CLEC4D: variants seen among roughly 807,000 people sequenced by gnomAD.
The protein encoded by CLEC4D is C-type (calcium dependent, carbohydrate-recognition domain) lectin, superfamily member 8.
In CLEC4D, 21 loss-of-function variants were observed where a neutral mutation model predicts 21.1. The observed-to-expected ratio is 1.00, with a 90% CI of 0.71 to 1.43. CLEC4D has a LOEUF of 1.43. Among genes scored for constraint, CLEC4D ranks in the 40% most tolerant of loss-of-function variants. The pLI, the probability that CLEC4D is intolerant of heterozygous loss-of-function variation, is 0.00. For synonymous variants in CLEC4D, 85 were observed against 83.1 expected (o/e 1.02, Z -0.12); for missense variants, 289 against 260.7 (o/e 1.11, Z -0.75).
Position 8,521,878 on chromosome 12 carries a change from T to G in CLEC4D, c.*607T>G, listed in dbSNP as rs773789454. 3 of 152,320 alleles carry G rather than the reference T, an allele frequency of 2.0e-5. No individual in the cohort carries two copies. The East Asian group carries it at 5.8e-4, about 29-fold the overall frequency. 9.4% of individuals were successfully genotyped at this position (152,320 alleles called of 1,614,324 possible). On this transcript the variant is annotated 3_prime_UTR_variant, in exon 6 of 6. Transcript: ENST00000299665. ...AGTCCAAATGCCTTTAAAAATTTACTTCTTACTCCACCCAACACGTTTTTG... is the reference window on the plus strand; with the variant it reads ...AGTCCAAATGCCTTTAAAAATTTACGTCTTACTCCACCCAACACGTTTTTG...
At chr12:8,517,085 G>A (rs1395619321) in intron 2 of CLEC4D, among the ~76,000 whole-genome samples, 2 of 152,094 alleles carry the variant, frequency 1.3e-5, no homozygotes, top group African/African-American at 4.8e-5. Context: ...AAAGCACAGC[G>A]GTTACTTTAA....
rs1010598598 is a variant in CLEC4D at position 8,521,467 on chromosome 12, G to A, written c.*196G>A. ...GTGTGTGTGTGTGTGTGTAGATAATGTGGTTTTTGTATGGTGTTTGATGGA... is the reference window on the plus strand; with the variant it reads ...GTGTGTGTGTGTGTGTGTAGATAATATGGTTTTTGTATGGTGTTTGATGGA... On this transcript the variant is annotated 3_prime_UTR_variant, in exon 6 of 6. Coordinates refer to ENST00000299665, the MANE Select transcript of CLEC4D (RefSeq NM_080387.5). 5.6e-5 allele frequency: 66 copies of A among 1,186,602 alleles called. No homozygotes were observed. In the East Asian group the frequency reaches 1.5e-3, roughly 27 times the overall value. 73.5% of individuals were successfully genotyped at this position (1,186,602 alleles called of 1,614,324 possible).
At chr12:8,519,394 C>G (rs1345245801) in intron 4 of CLEC4D, among the ~76,000 whole-genome samples, 1 of 152,026 alleles carries the variant, frequency 6.6e-6, no homozygotes, top group Non-Finnish European at 1.5e-5. Flanking sequence ...CTCATTCTAC[C>G]CCTCCCTGTT....
rs780954649 is a variant in CLEC4D, at chr12:8,519,017, TG to T, written c.243del (p.Trp81Ter). On this transcript the variant is annotated frameshift_variant, in exon 4 of 6. Coordinates refer to ENST00000299665, the MANE Select transcript of CLEC4D (RefSeq NM_080387.5). LOFTEE classifies it high-confidence loss of function. ...SELKSAEGST[W>X]NCCPIDWRAF... ...TTTAATTTTCACTTGAGGGAGCACC[TG>T]GAACTGTTGTCCTATTGACTGGAGA... The T allele has an allele frequency of 7.4e-6, 12 of 1,613,358 alleles. No homozygotes were observed. The East Asian group carries it at 2.7e-4, about 36-fold the overall frequency.
At position 8,513,536 on chromosome 12, in the gene CLEC4D, C is replaced by T. The variant is rs1356029750; in HGVS notation, c.-197C>T. ...TCCCGGAATGTATCAAAGGAAACCC[C>T]TGTCTTTGAAAAAGACTTCTTTTGA... On this transcript the variant is annotated 5_prime_UTR_variant, in exon 1 of 6. Coordinates refer to ENST00000299665, the MANE Select transcript of CLEC4D (RefSeq NM_080387.5). 2 of 393,614 alleles carry T rather than the reference C, an allele frequency of 5.1e-6. No homozygotes were observed. The highest frequency in any genetic ancestry group is 1.8e-4 in the South Asian group (2 of 11,062). The allele number at this position is 393,614 out of a possible 1,614,324, so 24.4% of individuals were successfully genotyped here.
chr12:8,530,185 C>T, the CLEC4D span, among the ~76,000 whole-genome samples: 1 of 152,134 alleles, frequency 6.6e-6, no homozygotes, highest in East Asian at 1.9e-4. Flanking sequence ...GAATTTTCTG[C>T]AGGATGTCTA....
chr12:8,525,016 A>G (rs765569602), downstream of CLEC4D, among the ~76,000 whole-genome samples: 100 of 152,252 alleles, frequency 6.6e-4, 3 homozygotes, highest in South Asian at 0.02. Context: ...TTTTTGAGTG[A>G]TTTTCTTAAT....
chr12:8,525,668 G>T (rs991230824), downstream of CLEC4D, among the ~76,000 whole-genome samples: 4 of 152,046 alleles, frequency 2.6e-5, no homozygotes, highest in Admixed American at 2.6e-4. Flanking sequence ...CTTTTAATTG[G>T]GGTATTTGCC....
In CLEC4D at chr12:8,513,644, T is replaced by C. The variant is rs1276831182; in HGVS notation, c.-89T>C. 2.7e-6 allele frequency: 2 copies of C among 728,612 alleles called. No individual in the cohort carries two copies. Among genetic ancestry groups the C allele is most frequent in the Admixed American group, 3.9e-5 (2 of 51,610 alleles). 45.1% of individuals were successfully genotyped at this position (728,612 alleles called of 1,614,324 possible). A position where few individuals can be genotyped will look rare whatever the true frequency, so the allele number is the denominator to read the frequency against. The stretch of plus-strand genomic sequence containing the variant: ...TCGATCTCAAGTATTTCTGAATATA[T>C]TCCCCTATCCACAGAAATATACTCT... On this transcript the variant is annotated 5_prime_UTR_variant, in exon 1 of 6. Coordinates refer to ENST00000299665, the MANE Select transcript of CLEC4D (RefSeq NM_080387.5).
intron 1 of CLEC4D, 47 bp from the exon 2 acceptor site, chr12:8,515,189 G>A (rs375556850): frequency 1.8e-5 from 16 of 911,538 alleles, no homozygotes; most frequent in Non-Finnish European, 9.2e-6. Flanking sequence ...AGCTTTCCTA[G>A]CTTGTAGCTG....
At chr12:8,513,872 G>A in intron 1 of CLEC4D, 112 bp downstream of exon 1, 4 of 660,958 alleles carry the variant, frequency 6.1e-6, no homozygotes, top group Non-Finnish European at 8.1e-6. Context: ...GGGAGAAGGA[G>A]GTGGAAGGAA....
intron 4 of CLEC4D, among the ~76,000 whole-genome samples, chr12:8,519,596 G>C (rs114435711): frequency 6.6e-6 from 1 of 152,306 alleles, no homozygotes; most frequent in Non-Finnish European, 1.5e-5. Context: ...GATAGGTCTT[G>C]ATAAATGTTT....
intron 5 of CLEC4D, among the ~76,000 whole-genome samples, chr12:8,520,698 T>C (rs1413956275): frequency 6.6e-6 from 1 of 152,182 alleles, no homozygotes; most frequent in Non-Finnish European, 1.5e-5. Flanking sequence ...TTAGTAAAAA[T>C]ATAATGCAAA....
downstream of CLEC4D, among the ~76,000 whole-genome samples, chr12:8,525,153 C>T (rs768792212): frequency 2.0e-5 from 3 of 152,200 alleles, no homozygotes; most frequent in Admixed American, 2.0e-4. Context: ...TGCCATGTGA[C>T]ACTGAGAAGA....
chr12:8,520,283 G>A lies in CLEC4D; in HGVS notation c.442G>A (p.Glu148Lys). Residue 148 changes from glutamate (E) to lysine (K), a missense_variant, in exon 5 of 6, where the codon GAG (glutamate) becomes AAG (lysine). By Grantham distance (56) the Glu-to-Lys change is moderately conservative. Coordinates refer to ENST00000299665, the MANE Select transcript of CLEC4D (RefSeq NM_080387.5). ...TTCCTATTTCCTTGGACTTAGAGAT[G>A]AGAATGCCAAAGGTCAGTGGCGTTG... ...RLSYFLGLRD[E>K]NAKGQWRWVD... The A allele has an allele frequency of 6.2e-7, 1 of 1,614,000 alleles. No homozygotes were observed. Among genetic ancestry groups the A allele is most frequent in the South Asian group, 1.1e-5 (1 of 91,054 alleles).
chr12:8,530,980 T>C, the CLEC4D span, among the ~76,000 whole-genome samples: 2 of 152,236 alleles, frequency 1.3e-5, no homozygotes, highest in Non-Finnish European at 2.9e-5. Context: ...CTGTGCTGAA[T>C]GACCTGTGTG....
chr12:8,531,429 G>C, the CLEC4D span, among the ~76,000 whole-genome samples: 1 of 152,090 alleles, frequency 6.6e-6, no homozygotes, highest in East Asian at 1.9e-4. Context: ...ATAATTTTTT[G>C]TTTGTTTTGT....
chr12:8,513,924 T>A (rs899351302), intron 1 of CLEC4D, among the ~76,000 whole-genome samples, 164 bp downstream of exon 1: 1 of 152,048 alleles, frequency 6.6e-6, no homozygotes, highest in Non-Finnish European at 1.5e-5. Context: ...TAGAGTCAAA[T>A]AAGTTGGATA....
At chr12:8,524,364 T>A (rs61919168), downstream of CLEC4D, among the ~76,000 whole-genome samples, 3 of 149,966 alleles carry the variant, frequency 2.0e-5, no homozygotes, top group Non-Finnish European at 4.4e-5. Flanking sequence ...TATTAATTGC[T>A]GCCTCTATTT....
Sources: allele counts gnomAD v4.1 joint callset (sites outside exome capture counted in the v4.1 genomes callset), GRCh38; gene constraint gnomAD v4.1.1; transcripts MANE v1.5; gene names NCBI Gene and HGNC (gene_info 2026-07-23, HGNC 2026-07-21).